The following NARF variants were observed in gnomAD, a reference collection of about 807,000 sequenced individuals.
The protein encoded by NARF is iron-only hydrogenase-like protein 2.
A neutral mutation model predicts 48.0 loss-of-function variants in NARF; 41 were observed. That is an observed-to-expected ratio of 0.85 (90% confidence interval 0.66 to 1.11). The LOEUF is 1.11. NARF is among the 50% of genes least tolerant of loss of function. The pLI is 0.00. For missense variants in NARF, 613 were observed against 590.2 expected (o/e 1.04, Z -0.40); for synonymous variants, 215 against 225.5 (o/e 0.95, Z 0.42).
rs1257398440 is a variant in NARF, at chr17:82,490,436, G to A, written c.*2279G>A. 1 of 152,318 alleles carries A rather than the reference G, an allele frequency of 6.6e-6. No homozygotes were observed. Among genetic ancestry groups the A allele is most frequent in the Non-Finnish European group, 1.5e-5 (1 of 68,082 alleles). The allele number at this position is 152,318 out of a possible 1,614,324, so 9.4% of individuals were successfully genotyped here. A position where few individuals can be genotyped will look rare whatever the true frequency, so the allele number is the denominator to read the frequency against. On this transcript the variant is annotated 3_prime_UTR_variant, in exon 11 of 11. Coordinates refer to ENST00000309794, the MANE Select transcript of NARF (RefSeq NM_012336.4). Reference sequence around the variant, plus strand: ...TTGTGTTGCGTTGCCTGTCTTGCTGGATAACTGCATATATTGTGTTCAGTT... The same window carrying A: ...TTGTGTTGCGTTGCCTGTCTTGCTGAATAACTGCATATATTGTGTTCAGTT...
chr17:82,479,606 C>T (rs1662097405), intron 6 of NARF, among the ~76,000 whole-genome samples: 1 of 152,190 alleles, frequency 6.6e-6, no homozygotes, highest in African/African-American at 2.4e-5. Flanking sequence ...TGGCATGCCC[C>T]ACACTGCTCT....
rs934559901 is a variant in NARF, at chr17:82,467,474, C to CT, written c.253-1281dup. Among the ~76,000 whole-genome samples, 41 of 151,098 alleles carry CT rather than the reference C, an allele frequency of 2.7e-4. 1 individual carries two copies. The highest frequency in any genetic ancestry group is 8.3e-4 in the African/African-American group (34 of 41,110). On this transcript the variant is annotated intron_variant, in intron 3 of 10. Coordinates refer to ENST00000309794, the MANE Select transcript of NARF (RefSeq NM_012336.4). ...TCACAAAACATCTTAGGCCTGGTAA[C>CT]TTTTTTTTTATTTTTTTATTTTTTA... is the stretch of plus-strand genomic sequence containing the variant.
chr17:82,464,505 A>G (rs926774645), intron 3 of NARF, 75 bp downstream of exon 3: 1 of 1,506,884 alleles, frequency 6.6e-7, no homozygotes, highest in Admixed American at 2.1e-5. Flanking sequence ...GGCTTCCTGC[A>G]CAGAAGCCTC....
At chr17:82,465,788 ACTC>A in intron 3 of NARF, among the ~76,000 whole-genome samples, 1 of 152,026 alleles carries the variant, frequency 6.6e-6, no homozygotes, top group Non-Finnish European at 1.5e-5. Flanking sequence ...CTGGTCCTGA[ACTC>A]CTGTGCTCAA....
chr17:82,458,701 G>C, upstream of NARF: 2 of 1,385,912 alleles, frequency 1.4e-6, no homozygotes, highest in Non-Finnish European at 1.9e-6. Flanking sequence ...AGGCCGCGTC[G>C]GGGGAGGACA....
At chr17:82,475,396 T>A (rs528157942) in intron 5 of NARF, among the ~76,000 whole-genome samples, 1 of 152,136 alleles carries the variant, frequency 6.6e-6, no homozygotes, top group South Asian at 2.1e-4. Flanking sequence ...GTCAGGAGAT[T>A]GAGACCATCC....
chr17:82,481,699 C>T (rs1422969856), intron 7 of NARF: 5 of 405,274 alleles, frequency 1.2e-5, no homozygotes, highest in Non-Finnish European at 2.4e-5. Flanking sequence ...CATTACCCTC[C>T]AGCCTGGGCA....
At chr17:82,475,195 T>C (rs1359677353) in intron 5 of NARF, among the ~76,000 whole-genome samples, 2 of 152,154 alleles carry the variant, frequency 1.3e-5, no homozygotes, top group Admixed American at 6.5e-5. Flanking sequence ...ACACACAACA[T>C]GGCTTCACAA....
chr17:82,464,108 C>T (rs558339153), intron 2 of NARF, 179 bp from the exon 3 acceptor site: 87 of 689,640 alleles, frequency 1.3e-4, no homozygotes, highest in Non-Finnish European at 1.9e-4. Context: ...GTCCCTTCAC[C>T]ACCTTGAGCT....
Position 82,488,113 on chromosome 17 carries a change from C to A in NARF, c.1327C>A (p.Gln443Lys). 6.2e-7 allele frequency: 1 copy of A among 1,614,040 alleles called. No individual in the cohort carries two copies. The highest frequency in any genetic ancestry group is 8.5e-7 in the Non-Finnish European group (1 of 1,180,036). Residue 443 changes from glutamine (Q) to lysine (K), a missense_variant, in exon 11 of 11, where the codon CAG (glutamine) becomes AAG (lysine). Physicochemically the swap from Gln to Lys is moderately conservative, Grantham distance 53. Coordinates refer to ENST00000309794, the MANE Select transcript of NARF (RefSeq NM_012336.4). ...KAREVLHTTY[Q>K]SQERGTHSLD... ...CCGAGAGGTGCTGCATACCACGTAC[C>A]AGAGCCAGGAGCGTGGCACACACAG...
chr17:82,458,516 G>A (rs28374204), upstream of NARF: 167,704 of 385,164 alleles, frequency 0.44, 41,624 homozygotes, highest in East Asian at 0.92. Flanking sequence ...GCCGTACGTG[G>A]AGTGAGCCTG....
chr17:82,462,300 CAGACGTGCTCTAGGGAG>C (rs1210776087), intron 2 of NARF, among the ~76,000 whole-genome samples: 3 of 152,028 alleles, frequency 2.0e-5, no homozygotes. Flanking sequence ...AGGGTGTGGA[CAGACGTGCTCTAGGGAG>C]AGACAGTGGC....
intron 6 of NARF, chr17:82,480,347 C>T: frequency 7.5e-6 from 3 of 401,560 alleles, no homozygotes; most frequent in Middle Eastern, 3.1e-4. Flanking sequence ...CCATGCTGGA[C>T]CAGCAACAGC....
intron 10 of NARF, 63 bp from the exon 11 acceptor site, chr17:82,487,853 C>T (rs966573189): frequency 6.4e-7 from 1 of 1,559,242 alleles, no homozygotes; most frequent in Non-Finnish European, 8.7e-7. Context: ...TCTAGCTGCT[C>T]AGGAAGCTAA....
Position 82,484,851 on chromosome 17 carries a change from A to G in NARF, c.872A>G (p.Asp291Gly), listed in dbSNP as rs748986620. 4 of 1,610,624 alleles carry G rather than the reference A, an allele frequency of 2.5e-6. No homozygotes were observed. The highest frequency in any genetic ancestry group is 2.7e-5 in the African/African-American group (2 of 74,686). Residue 291 changes from aspartate to glycine, a missense_variant, in exon 9 of 11, where the codon GAT becomes GGT. By Grantham distance (94) the Asp-to-Gly change is moderately conservative (BLOSUM62 -1). Transcript: ENST00000309794. ...DLKEDKVTRH[D>G]GASSDGHLAH... Reference sequence around the variant, plus strand: ...AAGGAGGACAAAGTGACGCGTCATGATGGAGCCAGCTCAGACGGGCACCTG... The same window carrying G: ...AAGGAGGACAAAGTGACGCGTCATGGTGGAGCCAGCTCAGACGGGCACCTG...
At chr17:82,487,796 AC>A in intron 10 of NARF, 119 bp from the exon 11 acceptor site, 3 of 819,918 alleles carry the variant, frequency 3.7e-6, no homozygotes, top group South Asian at 1.7e-5. Flanking sequence ...CCCAATCTCT[AC>A]AAAAAATTTA....
intron 3 of NARF, among the ~76,000 whole-genome samples, chr17:82,467,339 G>A (rs370869348): frequency 2.0e-5 from 3 of 152,134 alleles, no homozygotes; most frequent in African/African-American, 7.2e-5. Flanking sequence ...GAGCCACCAC[G>A]CCTGGCCCTT....
upstream of NARF, chr17:82,458,694 C>G: frequency 7.3e-7 from 1 of 1,364,878 alleles, no homozygotes; most frequent in Non-Finnish European, 9.5e-7. Context: ...GGGGGTGAGG[C>G]CGCGTCGGGG....
At chr17:82,478,992 G>C in intron 6 of NARF, 74 bp downstream of exon 6, 3 of 1,420,814 alleles carry the variant, frequency 2.1e-6, no homozygotes, top group Non-Finnish European at 2.9e-6. Flanking sequence ...GGAAGGGGAG[G>C]TTCCCCATCT....
Sources: allele counts gnomAD v4.1 joint callset (sites outside exome capture counted in the v4.1 genomes callset), GRCh38; gene constraint gnomAD v4.1.1; transcripts MANE v1.5; gene names NCBI Gene and HGNC (gene_info 2026-07-23, HGNC 2026-07-21).